Variants in APPL2 observed in about 807,000 individuals in gnomAD.
APPL2 encodes the protein adaptor protein, phosphotyrosine interacting with PH domain and leucine zipper 2, also known as DCC-interacting protein 13-beta.
Under a neutral mutation model 92.7 loss-of-function variants are expected in APPL2, and 84 were observed. The ratio of observed to expected loss-of-function variants is 0.91; its 90% CI spans 0.76 to 1.09. APPL2 has a LOEUF of 1.09. Among genes scored for constraint, APPL2 ranks in the 50% least tolerant of loss-of-function variants. The pLI is 0.00. For synonymous variants in APPL2, 291 were observed against 291.0 expected (o/e 1.00, Z 0.00); for missense variants, 736 against 824.5 (o/e 0.89, Z 1.31).
At chr12:105,207,293 T>C in intron 7 of APPL2, 86 bp from the exon 8 acceptor site, 8 of 1,332,468 alleles carry the variant, frequency 6.0e-6, no homozygotes, top group South Asian at 1.4e-5. Context: ...TGTGTGTTTA[T>C]GCATTATAAC....
At chr12:105,186,124 G>T (rs923137924) in intron 17 of APPL2, among the ~76,000 whole-genome samples, 2 of 152,054 alleles carry the variant, frequency 1.3e-5, no homozygotes, top group Non-Finnish European at 2.9e-5. Flanking sequence ...CCTTTTTAAG[G>T]CCAAATAGTA....
intron 16 of APPL2, among the ~76,000 whole-genome samples, chr12:105,189,205 A>T (rs886444837): frequency 2.8e-4 from 43 of 151,738 alleles, no homozygotes; most frequent in Admixed American, 1.3e-3. Context: ...ATATATATAT[A>T]TTTTTGTAGA....
chr12:105,235,647 G>A (rs1211375434), intron 1 of APPL2, among the ~76,000 whole-genome samples: 1 of 152,158 alleles, frequency 6.6e-6, no homozygotes, highest in Admixed American at 6.5e-5. Flanking sequence ...TTTTCCTGAG[G>A]CACTCAGCTA....
At chr12:105,177,339 G>T in intron 17 of APPL2, 77 bp from the exon 18 acceptor site, 1 of 1,450,544 alleles carries the variant, frequency 6.9e-7, no homozygotes, top group Non-Finnish European at 9.7e-7. Context: ...TAGAAGTCCA[G>T]AATAAATACA....
chr12:105,203,986 G>A (rs1427719227), intron 8 of APPL2, among the ~76,000 whole-genome samples: 1 of 152,192 alleles, frequency 6.6e-6, no homozygotes, highest in Non-Finnish European at 1.5e-5. Flanking sequence ...GCTTTTGGGT[G>A]CCAATGGAAG....
chr12:105,209,771 A>G (rs766750093), intron 5 of APPL2, among the ~76,000 whole-genome samples: 6 of 152,196 alleles, frequency 3.9e-5, no homozygotes, highest in Non-Finnish European at 7.3e-5. Context: ...AAAAAGCACT[A>G]AAATTCCTGC....
At chr12:105,183,300 T>C (rs1344907468) in intron 17 of APPL2, among the ~76,000 whole-genome samples, 1 of 152,190 alleles carries the variant, frequency 6.6e-6, no homozygotes, top group Non-Finnish European at 1.5e-5. Context: ...CCTGTCATTA[T>C]GATGGTAGCT....
intron 14 of APPL2, among the ~76,000 whole-genome samples, chr12:105,191,863 A>G (rs1887229612): frequency 6.6e-6 from 1 of 151,960 alleles, no homozygotes; most frequent in Non-Finnish European, 1.5e-5. Context: ...TTCTACCCTA[A>G]ATGCTGGAGT....
chr12:105,184,751 G>A (rs551994232), intron 17 of APPL2, among the ~76,000 whole-genome samples: 3 of 152,336 alleles, frequency 2.0e-5, no homozygotes, highest in African/African-American at 4.8e-5. Context: ...CACTTGAGGA[G>A]GCAGTCTGTC....
chr12:105,206,329 TGA>T lies in APPL2; in HGVS notation c.621+730_621+731del, dbSNP rs541727606. Among the ~76,000 whole-genome samples, 257 of 152,304 alleles carry T rather than the reference TGA, an allele frequency of 1.7e-3. 2 individuals are homozygous for T. Among genetic ancestry groups the T allele is most frequent in the African/African-American group, 6.1e-3 (253 of 41,566 alleles). On this transcript the variant is annotated intron_variant, in intron 8 of 20. Coordinates refer to ENST00000258530, the MANE Select transcript of APPL2 (RefSeq NM_018171.5). ...CCCCTTCTGTTCCTAGATTGTCAAC[TGA>T]GAGAAGATTCCTGGGTGCCTTTCTC... is the stretch of plus-strand genomic sequence containing the variant.
At position 105,203,604 on chromosome 12, in the gene APPL2, G is replaced by C. The variant is rs1482746091; in HGVS notation, c.704+99C>G. 1.9e-5 allele frequency: 21 copies of C among 1,096,256 alleles called. No homozygotes were observed. The East Asian group carries it at 4.7e-4, about 25-fold the overall frequency. The allele number at this position is 1,096,256 out of a possible 1,614,324, so 67.9% of individuals were successfully genotyped here. A position where few individuals can be genotyped will look rare whatever the true frequency, so the allele number is the denominator to read the frequency against. ...TCTGGGGTGGACAGAGGCTCTGTGC[G>C]ACCCTCCACAGTTAGAACCCTCCCC... On this transcript the variant is annotated intron_variant, in intron 9 of 20. Transcript: ENST00000258530.
intron 2 of APPL2, among the ~76,000 whole-genome samples, chr12:105,227,778 G>C (rs779370947): frequency 5.9e-5 from 9 of 152,134 alleles, no homozygotes; most frequent in Non-Finnish European, 1.5e-5. Context: ...CTCACCATCA[G>C]AATCCTTAAG....
In APPL2 at chr12:105,236,152, C is replaced by T. The variant is rs1468718651; in HGVS notation, c.-140G>A. 1 of 438,494 alleles carries T rather than the reference C, an allele frequency of 2.3e-6. No homozygotes were observed. The highest frequency in any genetic ancestry group is 7.8e-5 in the East Asian group (1 of 12,786). 27.2% of individuals were successfully genotyped at this position (438,494 alleles called of 1,614,324 possible). ...GCGGCGGCCCCGCGCGCGTCCACGC[C>T]TGGCCAGTGGCCGCCGCCGCCTGCC... On this transcript the variant is annotated 5_prime_UTR_variant, in exon 1 of 21. Transcript: ENST00000258530.
intron 4 of APPL2, among the ~76,000 whole-genome samples, chr12:105,211,614 G>GC (rs1169025810): frequency 6.6e-6 from 1 of 152,170 alleles, no homozygotes; most frequent in Non-Finnish European, 1.5e-5. Flanking sequence ...CCCACTCTGG[G>GC]CCCCACCCCA....
At chr12:105,193,626 A>C (rs1329034885) in intron 14 of APPL2, among the ~76,000 whole-genome samples, 1 of 152,204 alleles carries the variant, frequency 6.6e-6, no homozygotes, top group African/African-American at 2.4e-5. Context: ...TCTTCCTTAG[A>C]GTTCCATTTC....
chr12:105,189,929 G>A, intron 15 of APPL2, 62 bp downstream of exon 15: 3 of 1,610,662 alleles, frequency 1.9e-6, no homozygotes, highest in Non-Finnish European at 2.5e-6. Flanking sequence ...TGGTGGAGGG[G>A]GACACAAGAT....
At position 105,199,544 on chromosome 12, in the gene APPL2, G is replaced by A; in HGVS notation, c.705-13C>T. 6.2e-7 allele frequency: 1 copy of A among 1,612,256 alleles called. No homozygotes were observed. The highest frequency in any genetic ancestry group is 8.5e-7 in the Non-Finnish European group (1 of 1,179,176). On this transcript the variant is annotated splice_polypyrimidine_tract_variant and intron_variant, in intron 9 of 20. Coordinates refer to ENST00000258530, the MANE Select transcript of APPL2 (RefSeq NM_018171.5). ...TTCTACCTGAATGCTTAAGACAGAA[G>A]GTGTTGGGTCAGTTACTCACTGCTG...
intron 16 of APPL2, 24 bp downstream of exon 16, chr12:105,189,747 TA>T: frequency 6.2e-7 from 1 of 1,612,058 alleles, no homozygotes; most frequent in Non-Finnish European, 8.5e-7. Context: ...GAGGAAAGAA[TA>T]AGGACACCAA....
chr12:105,193,743 G>A (rs777815698), intron 14 of APPL2, among the ~76,000 whole-genome samples: 3 of 152,004 alleles, frequency 2.0e-5, no homozygotes, highest in Admixed American at 6.5e-5. Context: ...ATTTGTTTAC[G>A]TTCTCATGTT....
Sources: gnomAD v4.1 joint callset for allele counts (sites outside exome capture counted in the v4.1 genomes callset) on GRCh38, gnomAD v4.1.1 for gene constraint, MANE v1.5 for transcripts, NCBI Gene and HGNC (gene_info 2026-07-23, HGNC 2026-07-21) for gene names.